The following CLEC12A variants were observed in gnomAD, a reference collection of about 807,000 sequenced individuals.
CLEC12A encodes C-type lectin protein CLL-1.
CLEC12A carries 22 observed loss-of-function variants against 26.5 expected under a neutral mutation model. That is an observed-to-expected ratio of 0.83 (90% CI 0.59 to 1.19). The LOEUF (loss-of-function observed/expected upper bound fraction) is 1.19, where lower values mean the gene tolerates loss of function less well. Ranked by LOEUF, CLEC12A falls within the 50% of genes most tolerant of loss-of-function variation. CLEC12A has a pLI of 0.00. For synonymous variants in CLEC12A, 119 were observed against 101.9 expected, an observed-to-expected ratio of 1.17 and a Z score of -1.01; for missense variants, 353 against 315.6, an observed-to-expected ratio of 1.12 and a Z score of -0.90.
downstream of CLEC12A, among the ~76,000 whole-genome samples, chr12:9,986,437 T>G (rs540881788): frequency 7.5e-6 from 1 of 132,848 alleles, no homozygotes; most frequent in East Asian, 2.6e-4. Context: ...TTTTTTCTAT[T>G]AAAGAGAAAT....
chr12:9,978,278 G>GT (rs5796377), intron 1 of CLEC12A, among the ~76,000 whole-genome samples: 14 of 151,444 alleles, frequency 9.2e-5, no homozygotes, highest in African/African-American at 2.9e-4. Context: ...TATAATTCCT[G>GT]TTTTTTTTTT....
intron 2 of CLEC12A, 94 bp from the exon 3 acceptor site, chr12:9,979,242 C>T: frequency 4.6e-6 from 5 of 1,089,452 alleles, no homozygotes; most frequent in Non-Finnish European, 6.7e-6. Flanking sequence ...ATTGCTTTCC[C>T]TACCCCTTTA....
rs868350422 is a variant in CLEC12A at position 9,952,195 on chromosome 12, G to C, written c.10+839G>C. On this transcript the variant is annotated intron_variant, in intron 1 of 6. Transcript: ENST00000355690. ...CGTCTCCCTCTCCCTCTCCCTCTCC[G>C]TCTCCCTCTCCCTCTCCCCACGGTC... 1.6e-3 allele frequency: 149 copies of C among 91,034 alleles called. 20 individuals are homozygous for C. The highest frequency in any genetic ancestry group is 6.0e-3 in the African/African-American group (135 of 22,608). 5.6% of individuals were successfully genotyped at this position (91,034 alleles called of 1,614,324 possible). A position where few individuals can be genotyped will look rare whatever the true frequency, so the allele number is the denominator to read the frequency against.
chr12:10,005,655 G>C, the CLEC12A span, among the ~76,000 whole-genome samples: 10 of 152,214 alleles, frequency 6.6e-5, no homozygotes, highest in Non-Finnish European at 1.5e-4. Context: ...TGTCTTCATA[G>C]TGCTTCATTT....
chr12:9,983,471 A>G (rs144118312), intron 5 of CLEC12A: 7,743 of 690,990 alleles, frequency 0.011, 103 homozygotes, highest in Admixed American at 0.037. Context: ...AAGTCTTTAC[A>G]TATAAAAATA....
chr12:9,984,378 G>A (rs1864688575), intron 5 of CLEC12A: 1 of 152,092 alleles, frequency 6.6e-6, no homozygotes, highest in African/African-American at 2.4e-5. Context: ...TAGTATTTAT[G>A]GGCTGGTCAT....
upstream of CLEC12A, chr12:9,951,272 T>G (rs529330422): frequency 7.1e-6 from 5 of 702,208 alleles, no homozygotes; most frequent in South Asian, 4.4e-5. Context: ...GTCTTTCTAT[T>G]TAGCATTGCT....
intron 4 of CLEC12A, 126 bp downstream of exon 4, chr12:9,980,859 AC>A: frequency 1.1e-6 from 1 of 927,044 alleles, no homozygotes; most frequent in Non-Finnish European, 1.6e-6. Flanking sequence ...GAAACTTTGT[AC>A]ACTTATCTCA....
chr12:10,005,533 A>G, the CLEC12A span, among the ~76,000 whole-genome samples: 1 of 152,200 alleles, frequency 6.6e-6, no homozygotes, highest in Non-Finnish European at 1.5e-5. Flanking sequence ...TTGTGGCAGG[A>G]ATTAAATTTA....
chr12:9,958,110 G>A (rs1248086590), intron 1 of CLEC12A, among the ~76,000 whole-genome samples: 1 of 152,172 alleles, frequency 6.6e-6, no homozygotes, highest in East Asian at 1.9e-4. Context: ...AGTGACTTCT[G>A]AAACTAGAGG....
At chr12:9,970,165 T>G (rs191353251), upstream of CLEC12A, among the ~76,000 whole-genome samples, 1 of 152,298 alleles carries the variant, frequency 6.6e-6, no homozygotes, top group Admixed American at 6.5e-5. Context: ...TTAGGAGAAT[T>G]TAGTTTCTTT....
At chr12:9,987,604 G>A (rs116736247), downstream of CLEC12A, among the ~76,000 whole-genome samples, 714 of 152,214 alleles carry the variant, frequency 4.7e-3, 4 homozygotes, top group African/African-American at 0.016. Context: ...CAGCTTTATA[G>A]TACTAGAAAG....
At chr12:9,995,108 C>T in exon 5 of CLEC12A, 2 of 1,605,618 alleles carry the variant, frequency 1.2e-6, no homozygotes, top group Non-Finnish European at 1.7e-6. Context: ...GTTTCCAGTA[C>T]TCCCTCCTAT....
At chr12:10,004,361 TG>T in the CLEC12A span, among the ~76,000 whole-genome samples, 1 of 152,014 alleles carries the variant, frequency 6.6e-6, no homozygotes, top group South Asian at 2.1e-4. Context: ...AGGATGAATG[TG>T]GGGGTTTTAC....
chr12:10,005,110 T>G, the CLEC12A span, among the ~76,000 whole-genome samples: 1 of 152,196 alleles, frequency 6.6e-6, no homozygotes, highest in East Asian at 1.9e-4. Flanking sequence ...TGGCAGGGAC[T>G]ATTAATTAAT....
Position 9,979,032 on chromosome 12 carries a change from T to A in CLEC12A, c.158T>A (p.Leu53Ter). 6.2e-7 allele frequency: 1 copy of A among 1,613,964 alleles called. No homozygotes were observed. Among genetic ancestry groups the A allele is most frequent in the African/African-American group, 1.3e-5 (1 of 75,040 alleles). ...TTTCTGACTCTTCTGTGCCTTCTGT[T>A]GCTCATTGGATTGGGAGTCTTGGCA... is the stretch of plus-strand genomic sequence containing the variant. Reference protein sequence around the residue: ...ALFLTLLCLLLLIGLGVLASM... With the variant: ...ALFLTLLCLL The change falls in exon 2 of 6, where the codon TTG becomes TAG. Residue 53 changes from leucine to a stop codon, truncating the protein, a stop_gained. Transcript: ENST00000304361. LOFTEE classifies it high-confidence loss of function.
chr12:9,957,419 C>G (rs1327690795), intron 1 of CLEC12A, among the ~76,000 whole-genome samples: 1 of 148,040 alleles, frequency 6.8e-6, no homozygotes, highest in Admixed American at 7.0e-5. Flanking sequence ...ACTCGGGAGA[C>G]AGAGGTTGCA....
At chr12:9,961,005 C>A (rs1299188305) in intron 1 of CLEC12A, among the ~76,000 whole-genome samples, 1 of 152,178 alleles carries the variant, frequency 6.6e-6, no homozygotes, top group Non-Finnish European at 1.5e-5. Context: ...GGAGGCCCTG[C>A]GAACATGCAC....
At chr12:9,965,222 T>C (rs779805213) in intron 1 of CLEC12A, among the ~76,000 whole-genome samples, 2 of 152,004 alleles carry the variant, frequency 1.3e-5, no homozygotes, top group Non-Finnish European at 2.9e-5. Context: ...GGCTACAGGG[T>C]GCGGTCCCAG....
Sources: gnomAD v4.1 joint callset for allele counts (sites outside exome capture counted in the v4.1 genomes callset) on GRCh38, gnomAD v4.1.1 for gene constraint, MANE v1.5 for transcripts, NCBI Gene and HGNC (gene_info 2026-07-23, HGNC 2026-07-21) for gene names.